Variants in NNT observed in about 807,000 individuals in gnomAD.
NNT encodes the protein NAD(P) transhydrogenase, mitochondrial.
A neutral mutation model predicts 104.8 loss-of-function variants in NNT; 50 were observed. The ratio of observed to expected loss-of-function variants is 0.48; its 90% CI spans 0.38 to 0.60. The LOEUF (loss-of-function observed/expected upper bound fraction) is 0.60. NNT is among the 20% of genes least tolerant of loss of function. The probability of loss-of-function intolerance (pLI) is 0.00; values close to 1 mark genes in which losing one functional copy is unlikely to be tolerated. For missense variants in NNT, 1,131 were observed against 1,330.7 expected, an observed-to-expected ratio of 0.85 and a Z score of 2.33; for synonymous variants, 461 against 490.4, an observed-to-expected ratio of 0.94 and a Z score of 0.79.
At chr5:43,669,934 TATTA>T (rs1373835214) in intron 17 of NNT, among the ~76,000 whole-genome samples, 5 of 152,088 alleles carry the variant, frequency 3.3e-5, no homozygotes, top group South Asian at 2.1e-4. Flanking sequence ...GTTGGTAGGC[TATTA>T]ATTATTGCCT....
At chr5:43,629,011 T>G (rs1240920234) in intron 7 of NNT, among the ~76,000 whole-genome samples, 1 of 152,164 alleles carries the variant, frequency 6.6e-6, no homozygotes, top group Non-Finnish European at 1.5e-5. Context: ...CTCTGCAACT[T>G]AAACAACTTC....
At chr5:43,611,579 C>T (rs111420452) in intron 2 of NNT, among the ~76,000 whole-genome samples, 1 of 152,142 alleles carries the variant, frequency 6.6e-6, no homozygotes, top group African/African-American at 2.4e-5. Flanking sequence ...GAGTAAGATT[C>T]AGCATTATTT....
rs1739795443 is a variant in NNT at position 43,652,038 on chromosome 5, G to A, written c.1863+154G>A. 2.6e-5 allele frequency among the ~76,000 whole-genome samples: 4 copies of A among 152,276 alleles called. No individual in the cohort carries two copies. In the South Asian group the frequency reaches 8.3e-4, roughly 32 times the overall value. On this transcript the variant is annotated intron_variant, in intron 13 of 21. Transcript: ENST00000344920. ...CCTAGAAACATCTTGGTCAAACTGA[G>A]CATTCTCTTCCCCTAAGGATCAGGA...
intron 7 of NNT, among the ~76,000 whole-genome samples, chr5:43,628,673 G>A (rs767054752): frequency 4.6e-5 from 7 of 151,936 alleles, no homozygotes; most frequent in African/African-American, 1.5e-4. Context: ...TGCAACCTCC[G>A]TCTCCTGGGT....
intron 19 of NNT, among the ~76,000 whole-genome samples, chr5:43,689,767 A>T (rs1742167640): frequency 6.6e-6 from 1 of 152,232 alleles, no homozygotes; most frequent in South Asian, 2.1e-4. Context: ...CAAAAACATG[A>T]TGCAGGATAT....
Position 43,653,158 on chromosome 5 carries a change from G to A in NNT, c.2004G>A (p.Pro668=), listed in dbSNP as rs1395767198. 20 of 1,614,074 alleles carry A rather than the reference G, an allele frequency of 1.2e-5. No individual in the cohort carries two copies. Among genetic ancestry groups the A allele is most frequent in the South Asian group, 3.3e-5 (3 of 91,068 alleles). Residue 668 remains proline, a synonymous_variant, in exon 14 of 22, where the codon CCG becomes CCA. Transcript: ENST00000344920. ...CAGCCACCCTCGGAGTCCTAAAACC[G>A]GGCCCAGAATTACTAGCTCAGATGT... The part of the protein sequence containing the change: ...GLAATLGVLK[P]GPELLAQMSG...
Position 43,704,460 on chromosome 5 carries a change from G to A in NNT, c.*56G>A. The A allele has an allele frequency of 1.3e-6, 2 of 1,571,054 alleles. No individual in the cohort carries two copies. Among genetic ancestry groups the A allele is most frequent in the Non-Finnish European group, 8.7e-7 (1 of 1,146,348 alleles). On this transcript the variant is annotated 3_prime_UTR_variant, in exon 22 of 22. Coordinates refer to ENST00000344920, the MANE Select transcript of NNT (RefSeq NM_182977.3). ...GCCACCTCTGCAGTTTTGGGAACAG[G>A]CAAATAAAGTATCAGTATACATGGT...
At chr5:43,616,895 T>C (rs183947159) in intron 4 of NNT, among the ~76,000 whole-genome samples, 1 of 152,286 alleles carries the variant, frequency 6.6e-6, no homozygotes, top group African/African-American at 2.4e-5. Flanking sequence ...TGAAAACTAT[T>C]AGTAGTTGAG....
intron 19 of NNT, among the ~76,000 whole-genome samples, chr5:43,694,094 G>A (rs900078205): frequency 9.2e-5 from 14 of 152,162 alleles, no homozygotes; most frequent in African/African-American, 3.4e-4. Flanking sequence ...TATTGTTTGT[G>A]TATAGGAATG....
At chr5:43,614,836 T>G (rs1313908465) in intron 3 of NNT, among the ~76,000 whole-genome samples, 1 of 152,228 alleles carries the variant, frequency 6.6e-6, no homozygotes, top group African/African-American at 2.4e-5. Context: ...GTTTTAAAAA[T>G]TTGGCTTTAA....
intron 14 of NNT, 184 bp downstream of exon 14, chr5:43,653,397 A>G (rs1006159836): frequency 5.2e-5 from 30 of 577,646 alleles, no homozygotes; most frequent in Non-Finnish European, 7.8e-5. Context: ...CACTGAATAA[A>G]TGCATCAACT....
chr5:43,670,939 A>C (rs1741037019), intron 17 of NNT, among the ~76,000 whole-genome samples: 1 of 152,136 alleles, frequency 6.6e-6, no homozygotes. Context: ...TAGGTCTCTA[A>C]GGACTTGCTT....
intron 7 of NNT, among the ~76,000 whole-genome samples, chr5:43,630,806 C>T (rs544295785): frequency 6.6e-6 from 1 of 152,014 alleles, no homozygotes; most frequent in Non-Finnish European, 1.5e-5. Flanking sequence ...TAATTTTTTC[C>T]TTTCTGAAAG....
intron 7 of NNT, 52 bp downstream of exon 7, chr5:43,628,439 T>TA (rs200045058): frequency 6.9e-5 from 92 of 1,334,206 alleles, no homozygotes; most frequent in Middle Eastern, 2.5e-4. Context: ...TCTTTTTTTT[T>TA]AAAAAAAAGC....
rs558732654 is a variant in NNT at position 43,648,423 on chromosome 5, A to G, written c.1445-724A>G. 2.0e-4 allele frequency: 33 copies of G among 164,954 alleles called. No individual in the cohort carries two copies. The South Asian group carries it at 5.6e-3, about 28-fold the overall frequency. 10.2% of individuals were successfully genotyped at this position (164,954 alleles called of 1,614,324 possible). A position where few individuals can be genotyped will look rare whatever the true frequency, so the allele number is the denominator to read the frequency against. On this transcript the variant is annotated intron_variant, in intron 10 of 21. Coordinates refer to ENST00000344920, the MANE Select transcript of NNT (RefSeq NM_182977.3). ...ACTGTCCACATGTTTGCTATCAAGG[A>G]AGGCGATAATTAAAGATGTATGTTC... is the stretch of plus-strand genomic sequence containing the variant.
At chr5:43,647,167 C>T (rs1739492922) in intron 10 of NNT, among the ~76,000 whole-genome samples, 1 of 152,154 alleles carries the variant, frequency 6.6e-6, no homozygotes, top group Non-Finnish European at 1.5e-5. Flanking sequence ...ATGTAACTCT[C>T]CTTGAATAAA....
rs2112276670 is a variant in NNT at position 43,705,384 on chromosome 5, G to T, written c.*980G>T. ...CGGATGGATTTTTTTTCAAATCAGTGTGTGTTTTGAGGTCTTATGTAATTG... is the reference window on the plus strand; with the variant it reads ...CGGATGGATTTTTTTTCAAATCAGTTTGTGTTTTGAGGTCTTATGTAATTG... On this transcript the variant is annotated 3_prime_UTR_variant, in exon 22 of 22. Transcript: ENST00000344920. 1 of 152,146 alleles carries T rather than the reference G, an allele frequency of 6.6e-6. No individual in the cohort carries two copies. The highest frequency in any genetic ancestry group is 6.5e-5 in the Admixed American group (1 of 15,296). 9.4% of individuals were successfully genotyped at this position (152,146 alleles called of 1,614,324 possible). A position where few individuals can be genotyped will look rare whatever the true frequency, so the allele number is the denominator to read the frequency against.
chr5:43,661,432 T>C (rs982534813), intron 17 of NNT, among the ~76,000 whole-genome samples: 4 of 151,938 alleles, frequency 2.6e-5, no homozygotes, highest in African/African-American at 9.7e-5. Context: ...TATTATACTT[T>C]AAGTTTTAGG....
At chr5:43,669,581 G>A (rs201268442) in intron 17 of NNT, among the ~76,000 whole-genome samples, 3 of 151,878 alleles carry the variant, frequency 2.0e-5, no homozygotes, top group Non-Finnish European at 2.9e-5. Flanking sequence ...GCTAGATTAC[G>A]TTTATTGATT....
Sources: gnomAD v4.1 joint callset for allele counts (sites outside exome capture counted in the v4.1 genomes callset) on GRCh38, gnomAD v4.1.1 for gene constraint, MANE v1.5 for transcripts, NCBI Gene and HGNC (gene_info 2026-07-23, HGNC 2026-07-21) for gene names.